The following FAAP100 variants were observed in gnomAD, a reference collection of about 807,000 sequenced individuals.
The protein encoded by FAAP100 is FA core complex associated protein 100.
A neutral mutation model predicts 65.8 loss-of-function variants in FAAP100; 46 were observed. The ratio of observed to expected loss-of-function variants is 0.70; its 90% CI spans 0.55 to 0.89. The LOEUF (loss-of-function observed/expected upper bound fraction) is 0.89, where lower values mean the gene tolerates loss of function less well. FAAP100 is among the 40% of genes least tolerant of loss of function. FAAP100 has a pLI of 0.00. For missense variants in FAAP100, 1,165 were observed against 1,196.7 expected, an observed-to-expected ratio of 0.97 and a Z score of 0.39; for synonymous variants, 663 against 555.1, an observed-to-expected ratio of 1.19 and a Z score of -2.73.
chr17:81,550,789 G>GT lies in FAAP100; in HGVS notation c.704_705insA (p.Leu236ProfsTer12). On this transcript the variant is annotated frameshift_variant, in exon 3 of 9. Coordinates refer to ENST00000327787, the MANE Select transcript of FAAP100 (RefSeq NM_025161.6). LOFTEE classifies it high-confidence loss of function. ...CACAGAGGACCACAGGTGACTGCAG[G>GT]AGGGTGGCATCAGCTCCAAAGAGGA... 6.2e-7 allele frequency: 1 copy of GT among 1,612,798 alleles called. No homozygotes were observed.
At chr17:81,552,369 C>CGCG (rs1279045345), upstream of FAAP100, 14 of 1,309,350 alleles carry the variant, frequency 1.1e-5, no homozygotes, top group Middle Eastern at 2.8e-4. Context: ...GCCCCGGCCG[C>CGCG]GCGGCGGCGG....
upstream of FAAP100, chr17:81,552,469 A>G (rs1197615582): frequency 7.4e-6 from 6 of 814,718 alleles, no homozygotes; most frequent in African/African-American, 7.2e-5. Context: ...GCCGGAAAGG[A>G]CGCGCTGCAG....
At position 81,541,406 on chromosome 17, in the gene FAAP100, C is replaced by G. The variant is rs1361954395; in HGVS notation, c.2428-11G>C. On this transcript the variant is annotated splice_polypyrimidine_tract_variant and intron_variant, in intron 7 of 8. Transcript: ENST00000327787. ...CTCTGTCACCATCGTCTGGGGGACA[C>G]AGGAGACATGCTGGAGAGGGTGTGC... 2 of 1,593,098 alleles carry G rather than the reference C, an allele frequency of 1.3e-6. No homozygotes were observed. Among genetic ancestry groups the G allele is most frequent in the South Asian group, 1.1e-5 (1 of 90,228 alleles).
At chr17:81,545,326 G>A (rs1002303164) in intron 6 of FAAP100, among the ~76,000 whole-genome samples, 1 of 152,252 alleles carries the variant, frequency 6.6e-6, no homozygotes, top group Non-Finnish European at 1.5e-5. Flanking sequence ...TCTCTGGAAA[G>A]GTGTGCACGA....
intron 8 of FAAP100, 131 bp from the exon 9 acceptor site, chr17:81,541,081 C>T: frequency 7.9e-7 from 1 of 1,272,474 alleles, no homozygotes; most frequent in Non-Finnish European, 1.1e-6. Context: ...GAACACTCAT[C>T]CGGAACCTTA....
At chr17:81,544,571 T>C (rs1484479684) in intron 6 of FAAP100, among the ~76,000 whole-genome samples, 2 of 152,174 alleles carry the variant, frequency 1.3e-5, no homozygotes, top group East Asian at 1.9e-4. Flanking sequence ...CTGTGGGCAC[T>C]GGGAGCTGCT....
chr17:81,541,270 C>T, intron 8 of FAAP100, 39 bp downstream of exon 8: 3 of 1,569,424 alleles, frequency 1.9e-6, no homozygotes, highest in Non-Finnish European at 2.6e-6. Flanking sequence ...CTCCTGGCTA[C>T]CCAGGGGAAG....
At chr17:81,546,046 T>C (rs910050024) in intron 5 of FAAP100, among the ~76,000 whole-genome samples, 164 bp from the exon 6 acceptor site, 1 of 152,236 alleles carries the variant, frequency 6.6e-6, no homozygotes, top group Non-Finnish European at 1.5e-5. Context: ...CGTGGCCAGC[T>C]GACCCAGAGG....
In FAAP100 at chr17:81,540,816, T is replaced by C. The variant is rs372930681; in HGVS notation, c.*3A>G. The C allele has an allele frequency of 4.9e-4, 739 of 1,519,818 alleles. 1 individual carries two copies. In the African/African-American group the frequency reaches 9.1e-3, roughly 19 times the overall value. The allele number at this position is 1,519,818 out of a possible 1,614,324, so 94.1% of individuals were successfully genotyped here. A position where few individuals can be genotyped will look rare whatever the true frequency, so the allele number is the denominator to read the frequency against. On this transcript the variant is annotated 3_prime_UTR_variant, in exon 9 of 9. Transcript: ENST00000327787. ...GCCAGAGCCCAGGGGCAGGCCCGCC[T>C]GGTCACAGCAGGATGAGGCTGGGGT...
At chr17:81,543,400 C>A (rs1037850366) in intron 7 of FAAP100, among the ~76,000 whole-genome samples, 1 of 152,186 alleles carries the variant, frequency 6.6e-6, no homozygotes, top group African/African-American at 2.4e-5. Flanking sequence ...ACAGTCCTAG[C>A]GGGCGGGCGT....
intron 8 of FAAP100, 124 bp from the exon 9 acceptor site, chr17:81,541,074 C>T: frequency 7.7e-7 from 1 of 1,297,776 alleles, no homozygotes; most frequent in South Asian, 1.5e-5. Context: ...CGAGGAAGAA[C>T]ACTCATCCGG....
intron 5 of FAAP100, 151 bp from the exon 6 acceptor site, chr17:81,546,033 C>T (rs1264253816): frequency 5.3e-5 from 58 of 1,088,800 alleles, no homozygotes; most frequent in Non-Finnish European, 6.8e-5. Context: ...CCCTAAGCTG[C>T]GGCGTGGCCA....
intron 4 of FAAP100, 135 bp downstream of exon 4, chr17:81,549,071 A>G: frequency 1.7e-6 from 1 of 588,118 alleles, no homozygotes; most frequent in South Asian, 3.3e-5. Flanking sequence ...AAAAAAAAAA[A>G]AAGAGGCCAA....
chr17:81,543,830 C>T (rs1013757206), intron 7 of FAAP100, among the ~76,000 whole-genome samples, 174 bp downstream of exon 7: 3 of 152,194 alleles, frequency 2.0e-5, no homozygotes, highest in Non-Finnish European at 4.4e-5. Context: ...TGCCTCTCAT[C>T]GCCCACAGCT....
At chr17:81,544,528 C>G (rs979961507) in intron 6 of FAAP100, among the ~76,000 whole-genome samples, 1 of 152,214 alleles carries the variant, frequency 6.6e-6, no homozygotes, top group African/African-American at 2.4e-5. Context: ...CCAGGCATCA[C>G]AGATCACCTC....
intron 6 of FAAP100, among the ~76,000 whole-genome samples, chr17:81,544,646 A>T (rs138546552): frequency 0.016 from 2,362 of 152,350 alleles, 31 homozygotes; most frequent in Non-Finnish European, 0.023. Flanking sequence ...CTGGACAACA[A>T]ATGGCAAGAA....
At chr17:81,552,516 G>A, upstream of FAAP100, 2 of 460,432 alleles carry the variant, frequency 4.3e-6, no homozygotes, top group East Asian at 3.8e-5. Flanking sequence ...GGTACCCACG[G>A]GGAGCAGGGG....
intron 7 of FAAP100, 137 bp from the exon 8 acceptor site, chr17:81,541,532 T>G: frequency 1.3e-6 from 1 of 746,380 alleles, no homozygotes; most frequent in Non-Finnish European, 2.3e-6. Context: ...CCCAGCGCTT[T>G]GCTGTTTTCC....
Position 81,551,013 on chromosome 17 carries a change from C to T in FAAP100, c.481G>A (p.Gly161Arg), listed in dbSNP as rs774786160. The T allele has an allele frequency of 6.2e-7, 1 of 1,611,382 alleles. No individual in the cohort carries two copies. The highest frequency in any genetic ancestry group is 1.1e-5 in the South Asian group (1 of 90,740). The change falls in exon 3 of 9, where the codon GGG becomes AGG. Residue 161 changes from glycine (G) to arginine (R), a missense_variant. By Grantham distance (125) the Gly-to-Arg change is moderately radical. Transcript: ENST00000327787. ...TGGCCTCCTGGCCGGGGGTCCTCCC[C>T]AGGACAGGGCTGCTCAAACAGCTGC... ...KMQLFEQPCPGEDPRPGGQIG... is the reference protein window; with the variant it reads ...KMQLFEQPCPREDPRPGGQIG...
Sources: gnomAD v4.1 joint callset for allele counts (sites outside exome capture counted in the v4.1 genomes callset) on GRCh38, gnomAD v4.1.1 for gene constraint, MANE v1.5 for transcripts, NCBI Gene and HGNC (gene_info 2026-07-23, HGNC 2026-07-21) for gene names.